The following TASP1 variants were observed in gnomAD, a reference collection of about 807,000 sequenced individuals.
TASP1 encodes threonine aspartase 1.
A neutral mutation model predicts 56.6 loss-of-function variants in TASP1; 16 were observed. The ratio of observed to expected loss-of-function variants is 0.28; its 90% CI spans 0.19 to 0.43. The LOEUF is 0.43. TASP1 is among the 20% of genes least tolerant of loss of function. The pLI is 1.00. For missense variants in TASP1, 393 were observed against 511.6 expected (o/e 0.77, Z 2.24); for synonymous variants, 179 against 184.2 (o/e 0.97, Z 0.23).
intron 6 of TASP1, among the ~76,000 whole-genome samples, chr20:13,576,375 AAGAAAG>A (rs1568603285): frequency 1.4e-5 from 1 of 72,102 alleles, no homozygotes; most frequent in East Asian, 4.0e-4. Flanking sequence ...GAAAGAAAGA[AAGAAAG>A]AAAGAAAGAA....
the TASP1 span, among the ~76,000 whole-genome samples, chr20:13,127,874 T>G: frequency 4.6e-5 from 7 of 152,166 alleles, no homozygotes; most frequent in Non-Finnish European, 8.8e-5. Context: ...ATCCTATTGG[T>G]TGGTCTTTGT....
chr20:13,229,151 T>TC, the TASP1 span, among the ~76,000 whole-genome samples: 6 of 109,222 alleles, frequency 5.5e-5, no homozygotes, highest in Non-Finnish European at 9.8e-5. Context: ...TCTCTCTCTC[T>TC]TTCTGCATTT....
chr20:13,462,585 C>T (rs2044094835), intron 11 of TASP1, among the ~76,000 whole-genome samples: 1 of 152,140 alleles, frequency 6.6e-6, no homozygotes, highest in Non-Finnish European at 1.5e-5. Flanking sequence ...TAAAGATTTT[C>T]CAGGCATCAC....
intron 2 of TASP1, among the ~76,000 whole-genome samples, chr20:13,629,364 CA>C (rs1218111399): frequency 0.025 from 1,317 of 52,040 alleles, 12 homozygotes; most frequent in Non-Finnish European, 0.034. Context: ...AACTCCATCT[CA>C]AAAAAAAAAA....
chr20:13,178,881 G>A, the TASP1 span, among the ~76,000 whole-genome samples: 5 of 151,962 alleles, frequency 3.3e-5, no homozygotes, highest in Admixed American at 2.0e-4. Context: ...GATGACTATA[G>A]TTAATAATAA....
At chr20:13,403,945 CAG>C (rs1473222006) in intron 13 of TASP1, among the ~76,000 whole-genome samples, 1 of 152,062 alleles carries the variant, frequency 6.6e-6, no homozygotes, top group Admixed American at 6.5e-5. Flanking sequence ...TTTCAAAAAA[CAG>C]AGGTATGATT....
At chr20:13,185,935 G>C in the TASP1 span, among the ~76,000 whole-genome samples, 1 of 152,160 alleles carries the variant, frequency 6.6e-6, no homozygotes, top group Non-Finnish European at 1.5e-5. Context: ...GGGCTCATCA[G>C]AAAACTGACA....
At chr20:13,524,924 A>G (rs1255564361) in intron 10 of TASP1, among the ~76,000 whole-genome samples, 3 of 152,212 alleles carry the variant, frequency 2.0e-5, no homozygotes, top group African/African-American at 7.2e-5. Context: ...ACAGAATTCA[A>G]ATTAAAAATA....
chr20:13,159,348 T>C, the TASP1 span, among the ~76,000 whole-genome samples: 2 of 152,186 alleles, frequency 1.3e-5, no homozygotes. Context: ...CTGAGTTTAT[T>C]ATCCCTGTGC....
chr20:13,454,348 A>G (rs959677372), intron 11 of TASP1, among the ~76,000 whole-genome samples: 7 of 152,186 alleles, frequency 4.6e-5, no homozygotes, highest in Non-Finnish European at 1.0e-4. Flanking sequence ...TGGTAGTTTC[A>G]GGGAGAGTTC....
chr20:13,279,506 A>T, the TASP1 span: 1 of 885,320 alleles, frequency 1.1e-6, no homozygotes. Flanking sequence ...TCGCCATGCA[A>T]TCTCAGCTTT....
intron 4 of TASP1, among the ~76,000 whole-genome samples, chr20:13,591,287 A>G (rs1601366921): frequency 6.6e-6 from 1 of 152,296 alleles, no homozygotes; most frequent in East Asian, 1.9e-4. Context: ...TAAAAATACA[A>G]CAGAGTACAT....
chr20:13,585,080 C>T (rs2047254855), intron 5 of TASP1, among the ~76,000 whole-genome samples: 1 of 152,114 alleles, frequency 6.6e-6, no homozygotes, highest in Admixed American at 6.5e-5. Context: ...CACACAGTCA[C>T]CTAATTTCCC....
chr20:13,120,400 C>A, the TASP1 span, among the ~76,000 whole-genome samples: 15 of 152,250 alleles, frequency 9.9e-5, no homozygotes, highest in South Asian at 2.1e-4. Flanking sequence ...TGCTGTTTTT[C>A]TGAAACTGTG....
chr20:13,572,594 G>A (rs767369012), intron 6 of TASP1, among the ~76,000 whole-genome samples: 3 of 146,904 alleles, frequency 2.0e-5, no homozygotes, highest in African/African-American at 5.0e-5. Context: ...GCTGAGGCAG[G>A]AGAACCGCTT....
intron 8 of TASP1, among the ~76,000 whole-genome samples, chr20:13,537,842 G>A (rs1255591214): frequency 6.6e-6 from 1 of 152,028 alleles, no homozygotes; most frequent in Non-Finnish European, 1.5e-5. Flanking sequence ...TTCCAAATTA[G>A]AGATGGTTAT....
intron 11 of TASP1, among the ~76,000 whole-genome samples, chr20:13,436,362 A>C (rs2043001527): frequency 1.4e-5 from 2 of 147,922 alleles, no homozygotes; most frequent in Non-Finnish European, 3.0e-5. Flanking sequence ...AAAAAAAAAA[A>C]GGAGGAGGAG....
At chr20:13,182,788 A>G in the TASP1 span, among the ~76,000 whole-genome samples, 3 of 152,228 alleles carry the variant, frequency 2.0e-5, no homozygotes, top group African/African-American at 7.2e-5. Context: ...AAATAATTCA[A>G]ACAAGTAGCG....
At chr20:13,506,287 G>A (rs1350271722) in intron 10 of TASP1, among the ~76,000 whole-genome samples, 3 of 152,072 alleles carry the variant, frequency 2.0e-5, no homozygotes, top group Non-Finnish European at 4.4e-5. Context: ...CCCAGAACCT[G>A]GTAGCTTTGC....
Sources: gnomAD v4.1 joint callset for allele counts (sites outside exome capture counted in the v4.1 genomes callset) on GRCh38, gnomAD v4.1.1 for gene constraint, MANE v1.5 for transcripts, NCBI Gene and HGNC (gene_info 2026-07-23, HGNC 2026-07-21) for gene names.